The following TRPM2 variants were observed in gnomAD, a reference collection of about 807,000 sequenced individuals.
TRPM2 encodes the protein transient receptor potential cation channel subfamily M member 2, also known as estrogen-responsive element-associated gene 1 protein.
A neutral mutation model predicts 174.0 loss-of-function variants in TRPM2; 161 were observed. The ratio of observed to expected loss-of-function variants is 0.93; its 90% CI spans 0.81 to 1.05. TRPM2 has a LOEUF of 1.05. Among genes scored for constraint, TRPM2 ranks in the 50% least tolerant of loss-of-function variants. The probability of loss-of-function intolerance (pLI) is 0.00; values close to 1 mark genes in which losing one functional copy is unlikely to be tolerated. For missense variants in TRPM2, 2,057 were observed against 2,038.0 expected, an observed-to-expected ratio of 1.01 and a Z score of -0.18; for synonymous variants, 954 against 861.3, an observed-to-expected ratio of 1.11 and a Z score of -1.88.
intron 19 of TRPM2, 77 bp from the exon 20 acceptor site, chr21:44,413,814 C>T (rs1171618032): frequency 6.6e-6 from 10 of 1,525,690 alleles, no homozygotes; most frequent in Admixed American, 3.6e-5. Flanking sequence ...CTGGAGGCCT[C>T]GAGGGCCCCC....
At chr21:44,350,308 G>C (rs2032967144), upstream of TRPM2, 1 of 150,924 alleles carries the variant, frequency 6.6e-6, no homozygotes, top group Non-Finnish European at 1.5e-5. Context: ...GCGAGGGCGC[G>C]AGCCCGGGTG....
intron 22 of TRPM2, among the ~76,000 whole-genome samples, chr21:44,420,030 C>T (rs897551465): frequency 4.0e-5 from 6 of 151,896 alleles, no homozygotes; most frequent in Non-Finnish European, 5.9e-5. Flanking sequence ...ACGATGGTGA[C>T]AATGTGAGGA....
intron 11 of TRPM2, among the ~76,000 whole-genome samples, chr21:44,395,071 T>A (rs997286139): frequency 1.3e-5 from 2 of 152,174 alleles, no homozygotes; most frequent in African/African-American, 4.8e-5. Context: ...ATTAACATAC[T>A]CCACTGTGCT....
At chr21:44,434,251 G>A (rs1473149085) in intron 27 of TRPM2, among the ~76,000 whole-genome samples, 7 of 151,810 alleles carry the variant, frequency 4.6e-5, no homozygotes, top group African/African-American at 1.7e-4. Context: ...TGGTGGGGAC[G>A]GTGGCGGGGA....
intron 22 of TRPM2, among the ~76,000 whole-genome samples, chr21:44,420,612 G>T (rs1453387230): frequency 6.6e-6 from 1 of 152,184 alleles, no homozygotes; most frequent in African/African-American, 2.4e-5. Context: ...ACTTGCTGTT[G>T]CCAAGTACAG....
intron 5 of TRPM2, among the ~76,000 whole-genome samples, chr21:44,371,597 C>A (rs575804181): frequency 6.6e-6 from 1 of 152,228 alleles, no homozygotes; most frequent in South Asian, 2.1e-4. Flanking sequence ...CCAAGAGTTC[C>A]GTAAGAACAC....
At chr21:44,402,670 A>G (rs1346299956) in intron 16 of TRPM2, among the ~76,000 whole-genome samples, 1 of 152,202 alleles carries the variant, frequency 6.6e-6, no homozygotes, top group Non-Finnish European at 1.5e-5. Context: ...TCAGGCGGAC[A>G]TTCCAAGGGC....
chr21:44,430,904 A>AATC (rs1555904277), intron 27 of TRPM2, among the ~76,000 whole-genome samples: 2 of 150,058 alleles, frequency 1.3e-5, no homozygotes, highest in East Asian at 1.9e-4. Flanking sequence ...GATTTAAAAA[A>AATC]TAATATAAAT....
intron 20 of TRPM2, chr21:44,415,915 T>C (rs1275026412): frequency 6.6e-6 from 1 of 152,058 alleles, no homozygotes; most frequent in Non-Finnish European, 1.5e-5. Context: ...AATTAAATGC[T>C]GAGGACCTCA....
In TRPM2 at chr21:44,432,313, C is replaced by T. The variant is rs555316471; in HGVS notation, c.3975-2818C>T. Among the ~76,000 whole-genome samples, 55 of 152,310 alleles carry T rather than the reference C, an allele frequency of 3.6e-4. No individual in the cohort carries two copies. The highest frequency in any genetic ancestry group is 1.3e-3 in the African/African-American group (53 of 41,568). ...CCTGGCAGCCCTTCGTGTTCCTTGG[C>T]TTGTGATCTCTGCCTCCCTAGCCAC... On this transcript the variant is annotated intron_variant, in intron 27 of 31. Transcript: ENST00000397928. The surrounding 1 kb of genome is among the most constrained non-coding windows in gnomAD (Gnocchi z 4.9).
rs929542551 is a variant in TRPM2, at chr21:44,442,110, G to T, written c.*293G>T. 1.9e-5 allele frequency: 6 copies of T among 317,790 alleles called. No homozygotes were observed. The highest frequency in any genetic ancestry group is 3.4e-5 in the Non-Finnish European group (6 of 176,496). The allele number at this position is 317,790 out of a possible 1,614,324, so 19.7% of individuals were successfully genotyped here. A position where few individuals can be genotyped will look rare whatever the true frequency, so the allele number is the denominator to read the frequency against. On this transcript the variant is annotated 3_prime_UTR_variant, in exon 32 of 32. Coordinates refer to ENST00000397928, the MANE Select transcript of TRPM2 (RefSeq NM_003307.4). ...CGAGGGGCTGGGCCTGTGCAGCTGG[G>T]CCCTTGGCCAGAGTCCACTCCCTTC...
chr21:44,363,740 T>C (rs977924647), intron 2 of TRPM2, among the ~76,000 whole-genome samples: 3 of 152,172 alleles, frequency 2.0e-5, no homozygotes, highest in Non-Finnish European at 2.9e-5. Context: ...TGATGTTTGA[T>C]TGAAACCTTG....
chr21:44,404,078 CAT>C (rs367647534), intron 16 of TRPM2, among the ~76,000 whole-genome samples: 58 of 152,152 alleles, frequency 3.8e-4, no homozygotes, highest in African/African-American at 1.2e-3. Flanking sequence ...CATGAACAAA[CAT>C]GTACACACAT....
intron 28 of TRPM2, among the ~76,000 whole-genome samples, chr21:44,436,646 T>TCGGCA (rs1241860276): frequency 1.0e-5 from 1 of 99,184 alleles, no homozygotes; most frequent in Admixed American, 1.2e-4. Flanking sequence ...CAGGTGGCCC[T>TCGGCA]CGGCACCCCA....
Position 44,420,416 on chromosome 21 carries a change from G to A in TRPM2, c.3461+1861G>A, listed in dbSNP as rs149226329. The stretch of plus-strand genomic sequence containing the variant: ...TATCCTGGGATGTAGAGCAGGCCCA[G>A]TGCCTAGAAGGCACTGAGGAAATCC... On this transcript the variant is annotated intron_variant, in intron 22 of 31. Transcript: ENST00000397928. Among the ~76,000 whole-genome samples the A allele has an allele frequency of 6.7e-3, 1,014 of 152,320 alleles. 12 individuals are homozygous for A. Among genetic ancestry groups the A allele is most frequent in the African/African-American group, 0.023 (973 of 41,558 alleles).
chr21:44,362,403 T>C (rs185823748), intron 2 of TRPM2, among the ~76,000 whole-genome samples: 3 of 149,412 alleles, frequency 2.0e-5, no homozygotes, highest in Admixed American at 6.6e-5. Context: ...TCGCAGCTAC[T>C]TGGGAGGTTG....
chr21:44,407,183 G>A (rs1321791589), intron 19 of TRPM2, among the ~76,000 whole-genome samples: 2 of 3,458 alleles, frequency 5.8e-4, no homozygotes, highest in Admixed American at 7.0e-3. Flanking sequence ...GTTTTGCTCT[G>A]TCACCCAGGC....
intron 5 of TRPM2, among the ~76,000 whole-genome samples, chr21:44,375,156 C>T (rs768804005): frequency 1.3e-4 from 20 of 152,214 alleles, no homozygotes; most frequent in Non-Finnish European, 8.8e-5. Flanking sequence ...GTGATCCTCC[C>T]GCCTTGGCCT....
chr21:44,427,192 A>G (rs1376364877), intron 27 of TRPM2, 81 bp downstream of exon 27: 4 of 1,223,116 alleles, frequency 3.3e-6, no homozygotes, highest in East Asian at 2.6e-5. Context: ...GGGCAAAGGA[A>G]GCATTTTTCT....
Sources: gnomAD v4.1 joint callset for allele counts (sites outside exome capture counted in the v4.1 genomes callset) on GRCh38, gnomAD v4.1.1 for gene constraint, Gnocchi (gnomAD v3.1) non-coding constraint, MANE v1.5 for transcripts, NCBI Gene and HGNC (gene_info 2026-07-23, HGNC 2026-07-21) for gene names.